The following EHMT1 variants were observed in gnomAD, a reference collection of about 807,000 sequenced individuals.
EHMT1 encodes histone-lysine N-methyltransferase EHMT1.
A neutral mutation model predicts 147.2 loss-of-function variants in EHMT1; 15 were observed. That is an observed-to-expected ratio of 0.10 (90% confidence interval 0.07 to 0.16). The LOEUF (loss-of-function observed/expected upper bound fraction) is 0.16. Among genes scored for constraint, EHMT1 ranks in the 10% least tolerant of loss-of-function variants. The pLI, the probability that EHMT1 is intolerant of heterozygous loss-of-function variation, is 1.00. For missense variants in EHMT1, 1,587 were observed against 1,772.4 expected, an observed-to-expected ratio of 0.90 and a Z score of 1.88; for synonymous variants, 795 against 709.6, an observed-to-expected ratio of 1.12 and a Z score of -1.91.
At chr9:137,825,615 T>C (rs891041398) in intron 25 of EHMT1, among the ~76,000 whole-genome samples, 4 of 152,212 alleles carry the variant, frequency 2.6e-5, no homozygotes, top group African/African-American at 9.6e-5. Context: ...TCAGAAACCC[T>C]GATGCTCTTG....
chr9:137,780,787 T>C (rs1360222024), intron 14 of EHMT1, among the ~76,000 whole-genome samples: 2 of 84,964 alleles, frequency 2.4e-5, no homozygotes, highest in South Asian at 6.2e-4. Context: ...GACGCTGAGA[T>C]GTGTGGTGAT....
rs151075983 is a variant in EHMT1, at chr9:137,809,350, G to A, written c.2713-2111G>A. ...ACAAGGGTGTCTCAGAAGAGCCCGC[G>A]TCCTTCTCTCTTGGGGGTGACCCTG... is the stretch of plus-strand genomic sequence containing the variant. On this transcript the variant is annotated intron_variant, in intron 18 of 26. Transcript: ENST00000460843. Among the ~76,000 whole-genome samples the A allele has an allele frequency of 4.1e-4, 63 of 152,348 alleles. No individual in the cohort carries two copies. In the East Asian group the frequency reaches 9.7e-3, roughly 23 times the overall value.
Position 137,716,369 on chromosome 9 carries a change from A to G in EHMT1, c.86-257A>G, listed in dbSNP as rs865867153. 1.3e-3 allele frequency among the ~76,000 whole-genome samples: 77 copies of G among 58,130 alleles called. 1 individual carries two copies. The highest frequency in any genetic ancestry group is 9.3e-3 in the East Asian group (6 of 644). The allele number at this position is 58,130 out of a possible 152,430, so 38.1% of individuals were successfully genotyped here. A position where few individuals can be genotyped will look rare whatever the true frequency, so the allele number is the denominator to read the frequency against. The stretch of plus-strand genomic sequence containing the variant: ...TGGTGGGGGAGGAAGTTGTGGTGTC[A>G]TGGTGGGGGAGGAAGTTGTGTTGGT... On this transcript the variant is annotated intron_variant, in intron 2 of 26. Transcript: ENST00000460843.
At chr9:137,678,776 T>C (rs1941650627) in intron 1 of EHMT1, among the ~76,000 whole-genome samples, 1 of 142,960 alleles carries the variant, frequency 7.0e-6, no homozygotes, top group Non-Finnish European at 1.5e-5. Context: ...GATCTGTCTA[T>C]CTGACGAGGG....
intron 1 of EHMT1, among the ~76,000 whole-genome samples, chr9:137,656,345 A>C (rs1453238127): frequency 6.6e-6 from 1 of 152,170 alleles, no homozygotes; most frequent in Non-Finnish European, 1.5e-5. Flanking sequence ...GCACCATTGC[A>C]CTCCAGCCTG....
At chr9:137,817,418 C>A (rs377299636) in intron 23 of EHMT1, 21 bp from the exon 24 acceptor site, 1 of 1,613,266 alleles carries the variant, frequency 6.2e-7, no homozygotes, top group Non-Finnish European at 8.5e-7. Context: ...CCTGGGTTCA[C>A]CACTACTCTC....
At chr9:137,752,865 C>T (rs1381708556) in intron 7 of EHMT1, among the ~76,000 whole-genome samples, 6 of 149,712 alleles carry the variant, frequency 4.0e-5, no homozygotes, top group African/African-American at 7.4e-5. Context: ...CATCGGCTGA[C>T]GTGCGAGAAG....
At position 137,813,434 on chromosome 9, in the gene EHMT1, C is replaced by T. The variant is rs1184645526; in HGVS notation, c.3084C>T (p.Ala1028=). The change falls in exon 21 of 27, where the codon GCC becomes GCT. Residue 1028 remains alanine, a synonymous_variant. Transcript: ENST00000460843. This position sits in a 1 kb window ranked among gnomAD's most constrained non-coding sequence, Gnocchi z 4.9. ...YERIPIPCVN[A]VDSEPCPSNY... is the part of the protein sequence containing the mutation. Reference sequence around the variant, plus strand: ...GCATCCCCATCCCCTGTGTCAACGCCGTGGACAGCGAGCCATGCCCCAGCA... The same window carrying T: ...GCATCCCCATCCCCTGTGTCAACGCTGTGGACAGCGAGCCATGCCCCAGCA... 5 of 1,613,722 alleles carry T rather than the reference C, an allele frequency of 3.1e-6. No homozygotes were observed. The highest frequency in any genetic ancestry group is 4.2e-6 in the Non-Finnish European group (5 of 1,179,944).
chr9:137,654,037 C>T (rs533389995), intron 1 of EHMT1, among the ~76,000 whole-genome samples: 10 of 152,286 alleles, frequency 6.6e-5, no homozygotes, highest in Non-Finnish European at 1.3e-4. Context: ...GCACTGTTTG[C>T]TGAAAAGATT....
At chr9:137,799,993 T>A (rs898714658) in intron 17 of EHMT1, among the ~76,000 whole-genome samples, 1 of 152,224 alleles carries the variant, frequency 6.6e-6, no homozygotes, top group Non-Finnish European at 1.5e-5. Flanking sequence ...TGGTGCTGAC[T>A]GTCGACCGCA....
At chr9:137,781,027 C>T (rs371706706) in intron 14 of EHMT1, among the ~76,000 whole-genome samples, 96 of 127,896 alleles carry the variant, frequency 7.5e-4, no homozygotes, top group East Asian at 7.3e-3. Context: ...GTGATGACGC[C>T]GAGACGTGTG....
chr9:137,817,278 G>A (rs776534591), intron 23 of EHMT1, 161 bp from the exon 24 acceptor site: 14 of 782,934 alleles, frequency 1.8e-5, no homozygotes, highest in East Asian at 2.7e-5. Flanking sequence ...CTGAGAGTGC[G>A]AGATGCCGTG....
intron 1 of EHMT1, among the ~76,000 whole-genome samples, chr9:137,677,094 G>T (rs761489376): frequency 6.6e-6 from 1 of 151,994 alleles, no homozygotes; most frequent in Non-Finnish European, 1.5e-5. Flanking sequence ...CTCTCAAGGT[G>T]CTGGGATCAC....
At position 137,828,433 on chromosome 9, in the gene EHMT1, A is replaced by T. The variant is rs1955968271; in HGVS notation, c.3541-5916A>T. Among the ~76,000 whole-genome samples, 1 of 151,378 alleles carries T rather than the reference A, an allele frequency of 6.6e-6. No individual in the cohort carries two copies. Among genetic ancestry groups the T allele is most frequent in the Non-Finnish European group, 1.5e-5 (1 of 67,860 alleles). ...TGACCATTGCCAAGGCCACATCCTG[A>T]CTCTAGGCCCCTCTGGTCTGGGCAG... On this transcript the variant is annotated intron_variant, in intron 25 of 26. Coordinates refer to ENST00000460843, the MANE Select transcript of EHMT1 (RefSeq NM_024757.5). This position sits in a 1 kb window ranked among gnomAD's most constrained non-coding sequence, Gnocchi z 5.3.
chr9:137,742,882 A>G, intron 4 of EHMT1: 2 of 221,336 alleles, frequency 9.0e-6, no homozygotes, highest in East Asian at 2.4e-4. Flanking sequence ...TGTCCTAGGA[A>G]GACTGGCCTG....
At chr9:137,721,461 C>G (rs1946024529) in intron 3 of EHMT1, among the ~76,000 whole-genome samples, 1 of 54,144 alleles carries the variant, frequency 1.8e-5, no homozygotes. Flanking sequence ...CTCACCCTCT[C>G]CCACGCCTCT....
At chr9:137,803,215 A>AAAAAAG in intron 18 of EHMT1, 1 of 1,163,528 alleles carries the variant, frequency 8.6e-7, no homozygotes, top group Non-Finnish European at 1.1e-6. Flanking sequence ...ACACTTCATT[A>AAAAAAG]ATTTAACCAC....
chr9:137,687,129 T>C (rs955786818), intron 1 of EHMT1, among the ~76,000 whole-genome samples: 1 of 152,064 alleles, frequency 6.6e-6, no homozygotes, highest in African/African-American at 2.4e-5. Flanking sequence ...AATATCGATA[T>C]ACTGTAAAGG....
At chr9:137,730,839 G>A (rs1947048145) in intron 4 of EHMT1, among the ~76,000 whole-genome samples, 1 of 152,186 alleles carries the variant, frequency 6.6e-6, no homozygotes, top group Non-Finnish European at 1.5e-5. Flanking sequence ...GGGAGCCCTG[G>A]TTCTTTTCAT....
Sources: gnomAD v4.1 joint callset for allele counts (sites outside exome capture counted in the v4.1 genomes callset) on GRCh38, gnomAD v4.1.1 for gene constraint, Gnocchi (gnomAD v3.1) non-coding constraint, MANE v1.5 for transcripts, NCBI Gene and HGNC (gene_info 2026-07-23, HGNC 2026-07-21) for gene names.